The following PREX1 variants were observed in gnomAD, a reference collection of about 807,000 sequenced individuals.
The protein encoded by PREX1 is phosphatidylinositol 3,4,5-trisphosphate-dependent Rac exchanger 1 protein.
PREX1 carries 41 observed loss-of-function variants against 198.3 expected under a neutral mutation model. The ratio of observed to expected loss-of-function variants is 0.21; its 90% CI spans 0.16 to 0.27. The LOEUF (loss-of-function observed/expected upper bound fraction) is 0.27. Ranked by LOEUF, PREX1 falls within the 10% of genes least tolerant of loss-of-function variation. The pLI is 1.00. For synonymous variants in PREX1, 843 were observed against 887.2 expected (o/e 0.95, Z 0.89); for missense variants, 1,620 against 2,200.7 (o/e 0.74, Z 5.28).
Position 48,645,904 on chromosome 20 carries a change from C to T in PREX1, c.3459G>A (p.Glu1153=). 6.2e-7 allele frequency: 1 copy of T among 1,614,242 alleles called. No homozygotes were observed. Among genetic ancestry groups the T allele is most frequent in the Non-Finnish European group, 8.5e-7 (1 of 1,180,040 alleles). ...CGTGGCCTGAGTCCTCCTGGTCCTC[C>T]TCGGCCACCTTGAAGCACACCTTCT... ...GIKKVCFKVA[E]EDQEDSGHDT... The change falls in exon 26 of 40, where the codon GAG becomes GAA. Residue 1153 remains glutamate, a synonymous_variant. Coordinates refer to ENST00000371941, the MANE Select transcript of PREX1 (RefSeq NM_020820.4).
the PREX1 span, among the ~76,000 whole-genome samples, chr20:48,885,742 T>C: frequency 9.3e-5 from 14 of 150,596 alleles, no homozygotes; most frequent in Admixed American, 7.3e-4. Context: ...GGGGGCACTA[T>C]CAAGCCGTGG....
intron 35 of PREX1, 115 bp downstream of exon 35, chr20:48,632,162 A>G: frequency 1.1e-6 from 1 of 935,294 alleles, no homozygotes; most frequent in Non-Finnish European, 1.7e-6. Context: ...TGCTCAAGAA[A>G]GGGTGTGCGG....
chr20:48,722,228 T>G (rs1015114788), intron 5 of PREX1, among the ~76,000 whole-genome samples: 1 of 151,974 alleles, frequency 6.6e-6, no homozygotes, highest in Non-Finnish European at 1.5e-5. Flanking sequence ...AGCTAATGAG[T>G]GCATAAACAC....
intron 13 of PREX1, 89 bp from the exon 14 acceptor site, chr20:48,676,357 C>G (rs1048759701): frequency 2.4e-6 from 3 of 1,231,898 alleles, no homozygotes; most frequent in Non-Finnish European, 3.6e-6. Flanking sequence ...GACGTGCCCA[C>G]GAGTCAAGGA....
chr20:48,833,649 C>G, the PREX1 span, among the ~76,000 whole-genome samples: 1 of 152,060 alleles, frequency 6.6e-6, no homozygotes. Flanking sequence ...ACCATGTTGG[C>G]CAGGCTGGTC....
At chr20:48,782,950 G>A (rs1430908057) in intron 1 of PREX1, among the ~76,000 whole-genome samples, 1 of 152,120 alleles carries the variant, frequency 6.6e-6, no homozygotes, top group Non-Finnish European at 1.5e-5. Context: ...AGGTGACGGG[G>A]CTACAGCAAC....
the PREX1 span, among the ~76,000 whole-genome samples, chr20:48,885,308 CTT>C: frequency 6.6e-6 from 1 of 152,088 alleles, no homozygotes; most frequent in Non-Finnish European, 1.5e-5. Flanking sequence ...ATAAATATCT[CTT>C]GAATAAGTAC....
chr20:48,772,849 G>A (rs746087675), intron 1 of PREX1, among the ~76,000 whole-genome samples: 5 of 152,256 alleles, frequency 3.3e-5, no homozygotes, highest in Non-Finnish European at 5.9e-5. Flanking sequence ...CACTACGTTC[G>A]CCGACCTCAG....
At chr20:48,823,798 C>T (rs979566498) in intron 1 of PREX1, among the ~76,000 whole-genome samples, 10 of 152,090 alleles carry the variant, frequency 6.6e-5, no homozygotes, top group Non-Finnish European at 1.0e-4. Flanking sequence ...CAGCCAAAGG[C>T]GGTCTATCAA....
chr20:48,775,988 T>C (rs1338840532), intron 1 of PREX1, among the ~76,000 whole-genome samples: 1 of 152,110 alleles, frequency 6.6e-6, no homozygotes, highest in Non-Finnish European at 1.5e-5. Flanking sequence ...GGTTCTGTTG[T>C]AAGCTCAGCA....
intron 1 of PREX1, among the ~76,000 whole-genome samples, chr20:48,762,399 C>T (rs2090185201): frequency 6.6e-6 from 1 of 152,168 alleles, no homozygotes; most frequent in Non-Finnish European, 1.5e-5. Context: ...CACTCAGCAG[C>T]TTCCCTGCCC....
At chr20:48,657,355 C>T (rs1176911914) in intron 17 of PREX1, among the ~76,000 whole-genome samples, 167 bp from the exon 18 acceptor site, 1 of 152,158 alleles carries the variant, frequency 6.6e-6, no homozygotes, top group Non-Finnish European at 1.5e-5. Flanking sequence ...GCACAAGGGA[C>T]CTGGTTCTGC....
Position 48,627,586 on chromosome 20 carries a change from G to A in PREX1, c.4899C>T (p.Asn1633=). 1.9e-6 allele frequency: 3 copies of A among 1,604,102 alleles called. No homozygotes were observed. The South Asian group carries it at 3.3e-5, about 18-fold the overall frequency. ...GGGGCATCTGGTCCTTGACTCGCAGGTTTTTGGCCAGAATCTCCACCCTTG... is the reference window on the plus strand; with the variant it reads ...GGGGCATCTGGTCCTTGACTCGCAGATTTTTGGCCAGAATCTCCACCCTTG... ...QGPRVEILAK[N]LRVKDQMPQG... is the part of the protein sequence containing the mutation. Residue 1633 remains asparagine, a synonymous_variant, in exon 39 of 40, where the codon AAC becomes AAT. Transcript: ENST00000371941.
the PREX1 span, among the ~76,000 whole-genome samples, chr20:48,840,914 C>T: frequency 2.0e-5 from 3 of 152,108 alleles, no homozygotes; most frequent in South Asian, 6.2e-4. Flanking sequence ...CCTCAAAACT[C>T]CTGGGCTCAA....
chr20:48,845,197 C>T, the PREX1 span, among the ~76,000 whole-genome samples: 1 of 152,162 alleles, frequency 6.6e-6, no homozygotes, highest in South Asian at 2.1e-4. Flanking sequence ...AGACAAAGTT[C>T]CATCCCTCGT....
chr20:48,800,017 G>A (rs2090379562), intron 1 of PREX1, among the ~76,000 whole-genome samples: 1 of 152,210 alleles, frequency 6.6e-6, no homozygotes, highest in Non-Finnish European at 1.5e-5. Flanking sequence ...GTGGCGGAGG[G>A]GAGAGCCTAA....
the PREX1 span, among the ~76,000 whole-genome samples, chr20:48,874,518 C>T: frequency 6.6e-6 from 1 of 151,888 alleles, no homozygotes; most frequent in African/African-American, 2.4e-5. Flanking sequence ...GAAAGACCTT[C>T]ACCCTCAGGT....
intron 1 of PREX1, among the ~76,000 whole-genome samples, chr20:48,811,849 T>G (rs1459071347): frequency 6.6e-6 from 1 of 152,178 alleles, no homozygotes; most frequent in African/African-American, 2.4e-5. Flanking sequence ...AACTTAAACC[T>G]CCCTCTCTGT....
chr20:48,686,860 G>A (rs2089787983), intron 10 of PREX1, among the ~76,000 whole-genome samples: 1 of 152,196 alleles, frequency 6.6e-6, no homozygotes, highest in Admixed American at 6.5e-5. Context: ...AGTGCCAGCT[G>A]TCCCCAAGTC....
Sources: allele counts gnomAD v4.1 joint callset (sites outside exome capture counted in the v4.1 genomes callset), GRCh38; gene constraint gnomAD v4.1.1; transcripts MANE v1.5; gene names NCBI Gene and HGNC (gene_info 2026-07-23, HGNC 2026-07-21).